Variants in LRP5 observed in about 807,000 individuals in gnomAD.
LRP5 encodes the protein LDL receptor related protein 5.
A neutral mutation model predicts 154.1 loss-of-function variants in LRP5; 62 were observed. That is an observed-to-expected ratio of 0.40 (90% CI 0.33 to 0.50). The LOEUF is 0.50. Ranked by LOEUF, LRP5 falls within the 20% of genes least tolerant of loss-of-function variation. The probability of loss-of-function intolerance (pLI) is 0.55; values close to 1 mark genes in which losing one functional copy is unlikely to be tolerated. For missense variants in LRP5, 1,915 were observed against 2,336.7 expected (o/e 0.82, Z 3.72); for synonymous variants, 966 against 1,011.5 (o/e 0.96, Z 0.85).
Position 68,403,099 on chromosome 11 carries a change from G to T in LRP5, c.1585-384G>T, listed in dbSNP as rs1429554639. ...ATCTCTACTAAAAATACAAAAATTC[G>T]CCAGGTGTGGTGGCGGGTACCTGTA... On this transcript the variant is annotated intron_variant, in intron 7 of 22. Transcript: ENST00000294304. Among the ~76,000 whole-genome samples, 4 of 152,102 alleles carry T rather than the reference G, an allele frequency of 2.6e-5. No homozygotes were observed. In the South Asian group the frequency reaches 6.2e-4, roughly 24 times the overall value.
intron 1 of LRP5, among the ~76,000 whole-genome samples, chr11:68,346,821 G>A (rs1473619322): frequency 6.6e-6 from 1 of 152,230 alleles, no homozygotes; most frequent in Non-Finnish European, 1.5e-5. Flanking sequence ...TCCACATCTT[G>A]TGTTCACTCC....
chr11:68,342,562 G>A (rs2098609757), intron 1 of LRP5, among the ~76,000 whole-genome samples: 1 of 152,212 alleles, frequency 6.6e-6, no homozygotes, highest in African/African-American at 2.4e-5. Flanking sequence ...AGCTCCCCAG[G>A]TGGTGGGAGA....
chr11:68,401,715 A>T (rs1205375901), intron 7 of LRP5, among the ~76,000 whole-genome samples: 1 of 151,600 alleles, frequency 6.6e-6, no homozygotes, highest in Non-Finnish European at 1.5e-5. Flanking sequence ...TTGAGACAAG[A>T]TCTCACCCTG....
intron 7 of LRP5, among the ~76,000 whole-genome samples, chr11:68,396,675 AG>A (rs2098649538): frequency 6.6e-6 from 1 of 152,176 alleles, no homozygotes. Flanking sequence ...TGACTGTGAC[AG>A]CTGTCCTGGG....
chr11:68,407,716 G>A (rs1051324435), intron 9 of LRP5, among the ~76,000 whole-genome samples: 2 of 151,978 alleles, frequency 1.3e-5, no homozygotes, highest in African/African-American at 2.4e-5. Context: ...GCATGGCGGC[G>A]CCTGCCTGTA....
At chr11:68,435,828 C>T (rs867361944) in intron 18 of LRP5, among the ~76,000 whole-genome samples, 8 of 152,154 alleles carry the variant, frequency 5.3e-5, no homozygotes, top group African/African-American at 1.4e-4. Flanking sequence ...CAGGTTCAAG[C>T]GATTCTCCTG....
chr11:68,426,093 G>A lies in LRP5; in HGVS notation c.3543G>A (p.Glu1181=), dbSNP rs1466767053. 3 of 1,613,580 alleles carry A rather than the reference G, an allele frequency of 1.9e-6. No homozygotes were observed. The highest frequency in any genetic ancestry group is 1.6e-4 in the Middle Eastern group (1 of 6,062). The change falls in exon 16 of 23, where the codon GAG becomes GAA. Residue 1181 remains glutamate (E), a synonymous_variant. Transcript: ENST00000294304. ...DRQQQMIERV[E]KTTGDKRTRI... ...AGCAGCAGATGATCGAGCGTGTGGA[G>A]AAGACCACCGGGGACAAGCGGACTC...
intron 2 of LRP5, among the ~76,000 whole-genome samples, chr11:68,350,428 T>G (rs2098617327): frequency 6.6e-6 from 1 of 152,190 alleles, no homozygotes; most frequent in African/African-American, 2.4e-5. Context: ...CTCCCTGAAG[T>G]CAGGGCTCTG....
rs564302889 is a variant in LRP5, at chr11:68,321,552, C to T, written c.91+8747C>T. 5.9e-5 allele frequency among the ~76,000 whole-genome samples: 9 copies of T among 152,152 alleles called. No homozygotes were observed. In the South Asian group the frequency reaches 1.2e-3, roughly 21 times the overall value. ...ATTCATCTGCTGGGTGCAGTGGAGCCGGCCTTGACATTTGTGGGTTTTGCT... is the reference window on the plus strand; with the variant it reads ...ATTCATCTGCTGGGTGCAGTGGAGCTGGCCTTGACATTTGTGGGTTTTGCT... On this transcript the variant is annotated intron_variant, in intron 1 of 22. Coordinates refer to ENST00000294304, the MANE Select transcript of LRP5 (RefSeq NM_002335.4).
intron 10 of LRP5, among the ~76,000 whole-genome samples, 154 bp downstream of exon 10, chr11:68,410,294 G>A: frequency 6.6e-6 from 1 of 152,328 alleles, no homozygotes; most frequent in East Asian, 1.9e-4. Context: ...GGACTGGTAG[G>A]GCCCTCAGAG....
chr11:68,411,688 C>T, intron 11 of LRP5, 68 bp downstream of exon 11: 1 of 1,499,466 alleles, frequency 6.7e-7, no homozygotes, highest in South Asian at 1.3e-5. Flanking sequence ...ACCTCCCAGC[C>T]TCGCCGCACA....
intron 18 of LRP5, among the ~76,000 whole-genome samples, chr11:68,434,527 G>A (rs1013691925): frequency 1.6e-4 from 25 of 151,998 alleles, no homozygotes; most frequent in Non-Finnish European, 2.6e-4. Flanking sequence ...TGACAGGTGC[G>A]CACCACCATG....
intron 1 of LRP5, among the ~76,000 whole-genome samples, chr11:68,339,729 C>T (rs541419616): frequency 1.3e-3 from 205 of 152,288 alleles, no homozygotes; most frequent in Non-Finnish European, 2.3e-3. Context: ...TTCATTTATC[C>T]GTTCATCGGT....
At position 68,416,897 on chromosome 11, in the gene LRP5, G is replaced by A. The variant is rs181024469; in HGVS notation, c.3027+370G>A. Among the ~76,000 whole-genome samples the A allele has an allele frequency of 2.7e-4, 41 of 152,276 alleles. 1 individual carries two copies. The highest frequency in any genetic ancestry group is 9.6e-4 in the African/African-American group (40 of 41,556). On this transcript the variant is annotated intron_variant, in intron 13 of 22. Coordinates refer to ENST00000294304, the MANE Select transcript of LRP5 (RefSeq NM_002335.4). ...GTACAGTCATTTCTGCTACAATGCT[G>A]TATATGCTCTTCTGAAAGACACCTA...
intron 2 of LRP5, among the ~76,000 whole-genome samples, chr11:68,351,008 A>G (rs1462299212): frequency 3.9e-5 from 6 of 152,144 alleles, no homozygotes; most frequent in African/African-American, 1.4e-4. Context: ...GAGTGTGCGC[A>G]TGTGACTGTG....
In LRP5 at chr11:68,406,432, G is replaced by A. The variant is rs907218606; in HGVS notation, c.1802-92G>A. 7.0e-5 allele frequency: 95 copies of A among 1,359,788 alleles called. No homozygotes were observed. The African/African-American group carries it at 1.3e-3, about 18-fold the overall frequency. The allele number at this position is 1,359,788 out of a possible 1,614,324, so 84.2% of individuals were successfully genotyped here. A position where few individuals can be genotyped will look rare whatever the true frequency, so the allele number is the denominator to read the frequency against. On this transcript the variant is annotated intron_variant, in intron 8 of 22. Coordinates refer to ENST00000294304, the MANE Select transcript of LRP5 (RefSeq NM_002335.4). ...GAGCTCGGCACCCCTGAGCTGTGTGGCTCACGGCAGCATTCATTGTGTGGC... is the reference window on the plus strand; with the variant it reads ...GAGCTCGGCACCCCTGAGCTGTGTGACTCACGGCAGCATTCATTGTGTGGC...
chr11:68,386,447 C>T lies in LRP5; in HGVS notation c.1147C>T (p.Leu383=), dbSNP rs1346602092. 1.1e-5 allele frequency: 18 copies of T among 1,613,990 alleles called. No individual in the cohort carries two copies. Among genetic ancestry groups the T allele is most frequent in the Non-Finnish European group, 1.5e-5 (18 of 1,180,024 alleles). The change falls in exon 6 of 23, where the codon CTA becomes TTA. Residue 383 remains leucine, a synonymous_variant. Coordinates refer to ENST00000294304, the MANE Select transcript of LRP5 (RefSeq NM_002335.4). This position sits in a 1 kb window ranked among gnomAD's most constrained non-coding sequence, Gnocchi z 7.9. ...RHAIAIDYDP[L]EGYVYWTDDE... Reference sequence around the variant, plus strand: ...CGCCATTGCCATCGACTACGACCCGCTAGAGGGCTATGTCTACTGGACAGA... The same window carrying T: ...CGCCATTGCCATCGACTACGACCCGTTAGAGGGCTATGTCTACTGGACAGA...
At chr11:68,362,109 A>G (rs932947405) in intron 3 of LRP5, among the ~76,000 whole-genome samples, 4 of 152,266 alleles carry the variant, frequency 2.6e-5, no homozygotes, top group Non-Finnish European at 2.9e-5. Context: ...GGGATGAAGC[A>G]CTGACATGCT....
chr11:68,443,466 G>A (rs1380461295), intron 21 of LRP5, among the ~76,000 whole-genome samples: 10 of 130,882 alleles, frequency 7.6e-5, no homozygotes, highest in Non-Finnish European at 9.7e-5. Flanking sequence ...CTCCAGCCTG[G>A]GCGACAGAGC....
Sources: gnomAD v4.1 joint callset for allele counts (sites outside exome capture counted in the v4.1 genomes callset) on GRCh38, gnomAD v4.1.1 for gene constraint, Gnocchi (gnomAD v3.1) non-coding constraint, MANE v1.5 for transcripts, NCBI Gene and HGNC (gene_info 2026-07-23, HGNC 2026-07-21) for gene names.